Variants in TAFA1 observed in about 807,000 individuals in gnomAD.
The protein encoded by TAFA1 is chemokine-like protein TAFA-1.
TAFA1 carries 4 observed loss-of-function variants against 18.5 expected under a neutral mutation model. That is an observed-to-expected ratio of 0.22 (90% CI 0.11 to 0.49). TAFA1 has a LOEUF of 0.49. Among genes scored for constraint, TAFA1 ranks in the 20% least tolerant of loss-of-function variants. The pLI, the probability that TAFA1 is intolerant of heterozygous loss-of-function variation, is 0.98. For synonymous variants in TAFA1, 56 were observed against 55.2 expected, an observed-to-expected ratio of 1.01 and a Z score of -0.06; for missense variants, 147 against 169.0, an observed-to-expected ratio of 0.87 and a Z score of 0.72.
At chr3:68,447,886 G>A (rs2071498209) in intron 3 of TAFA1, among the ~76,000 whole-genome samples, 1 of 152,218 alleles carries the variant, frequency 6.6e-6, no homozygotes, top group African/African-American at 2.4e-5. Context: ...AGCACGACTT[G>A]CCAGATATGG....
intron 2 of TAFA1, among the ~76,000 whole-genome samples, chr3:68,119,038 TTTC>T (rs1395168591): frequency 1.3e-5 from 2 of 151,952 alleles, no homozygotes; most frequent in Non-Finnish European, 2.9e-5. Context: ...CAAAACTTAT[TTTC>T]TTTTTTTTGG....
At chr3:68,324,967 C>G (rs1299685385) in intron 2 of TAFA1, among the ~76,000 whole-genome samples, 1 of 152,172 alleles carries the variant, frequency 6.6e-6, no homozygotes, top group South Asian at 2.1e-4. Context: ...ATCACAGTCA[C>G]AGAGTGGCCT....
At chr3:68,284,068 T>C (rs1445748243) in intron 2 of TAFA1, among the ~76,000 whole-genome samples, 1 of 152,202 alleles carries the variant, frequency 6.6e-6, no homozygotes, top group African/African-American at 2.4e-5. Flanking sequence ...TGAATCTGTG[T>C]AGATACCCAC....
At chr3:68,129,370 T>C (rs975656839) in intron 2 of TAFA1, among the ~76,000 whole-genome samples, 3 of 152,210 alleles carry the variant, frequency 2.0e-5, no homozygotes, top group Admixed American at 1.3e-4. Context: ...AGGTGAGAAG[T>C]ACACTTTTTG....
intron 2 of TAFA1, among the ~76,000 whole-genome samples, chr3:68,367,481 C>T (rs1357399913): frequency 6.6e-6 from 1 of 152,082 alleles, no homozygotes; most frequent in Non-Finnish European, 1.5e-5. Context: ...GGTCACATAC[C>T]ATGATTTTCC....
At chr3:68,371,594 T>C (rs1357762631) in intron 2 of TAFA1, among the ~76,000 whole-genome samples, 3 of 152,164 alleles carry the variant, frequency 2.0e-5, no homozygotes, top group East Asian at 1.9e-4. Flanking sequence ...CCATGATGTA[T>C]ATGTGCCACA....
intron 2 of TAFA1, among the ~76,000 whole-genome samples, chr3:68,381,490 C>T (rs183207316): frequency 6.6e-6 from 1 of 152,240 alleles, no homozygotes; most frequent in Admixed American, 6.5e-5. Flanking sequence ...CTTCACATCC[C>T]TTGTAAGTTG....
At chr3:68,423,062 C>G (rs1226269886) in intron 3 of TAFA1, among the ~76,000 whole-genome samples, 1 of 151,804 alleles carries the variant, frequency 6.6e-6, no homozygotes. Flanking sequence ...TTAAAACAAA[C>G]AAAAATAAAT....
chr3:68,129,454 G>A (rs1363128833), intron 2 of TAFA1, among the ~76,000 whole-genome samples: 1 of 152,168 alleles, frequency 6.6e-6, no homozygotes, highest in Non-Finnish European at 1.5e-5. Flanking sequence ...TCTGTTAAAT[G>A]GGGATCATCA....
chr3:68,482,150 A>G (rs2072250041), intron 3 of TAFA1, among the ~76,000 whole-genome samples: 1 of 152,176 alleles, frequency 6.6e-6, no homozygotes, highest in African/African-American at 2.4e-5. Flanking sequence ...AGCTGGGACT[A>G]CAGGCACCTG....
At chr3:68,099,910 T>C (rs2065129041) in intron 2 of TAFA1, among the ~76,000 whole-genome samples, 1 of 151,872 alleles carries the variant, frequency 6.6e-6, no homozygotes, top group Non-Finnish European at 1.5e-5. Flanking sequence ...GAAAAGCAAA[T>C]ATCACATATT....
chr3:68,255,742 G>A (rs566266503), intron 2 of TAFA1, among the ~76,000 whole-genome samples: 2 of 152,078 alleles, frequency 1.3e-5, no homozygotes, highest in Admixed American at 1.3e-4. Context: ...AGGCTTCTTA[G>A]GATTTTCTGT....
At chr3:68,251,516 G>A (rs540490550) in intron 2 of TAFA1, among the ~76,000 whole-genome samples, 1 of 152,298 alleles carries the variant, frequency 6.6e-6, no homozygotes, top group African/African-American at 2.4e-5. Flanking sequence ...ACAAAGATTT[G>A]CATTTCAGTG....
intron 2 of TAFA1, among the ~76,000 whole-genome samples, chr3:68,328,688 A>G (rs531203483): frequency 5.3e-5 from 8 of 152,238 alleles, no homozygotes; most frequent in African/African-American, 1.9e-4. Flanking sequence ...CTGAGTATCA[A>G]CTCACAAGTG....
chr3:68,535,183 G>C (rs2073257071), intron 3 of TAFA1, among the ~76,000 whole-genome samples: 1 of 152,054 alleles, frequency 6.6e-6, no homozygotes, highest in African/African-American at 2.4e-5. Flanking sequence ...AATAAACACT[G>C]GCAAACCTTG....
At chr3:68,541,814 C>A (rs577394082) in intron 4 of TAFA1, among the ~76,000 whole-genome samples, 1 of 152,212 alleles carries the variant, frequency 6.6e-6, no homozygotes, top group African/African-American at 2.4e-5. Flanking sequence ...TGTTCCAAAC[C>A]TTCATCTTTT....
chr3:68,521,362 A>G (rs1369152925), intron 3 of TAFA1, among the ~76,000 whole-genome samples: 1 of 152,216 alleles, frequency 6.6e-6, no homozygotes, highest in Admixed American at 6.5e-5. Context: ...TCAAGGGAGA[A>G]GGAGTTGGGA....
intron 2 of TAFA1, among the ~76,000 whole-genome samples, chr3:68,263,824 AC>A (rs1441588796): frequency 1.3e-5 from 2 of 152,138 alleles, no homozygotes; most frequent in Non-Finnish European, 2.9e-5. Context: ...GTATCCAAGC[AC>A]ACAAGGTGAT....
intron 2 of TAFA1, among the ~76,000 whole-genome samples, chr3:68,337,226 T>G (rs567195385): frequency 6.6e-6 from 1 of 152,178 alleles, no homozygotes; most frequent in South Asian, 2.1e-4. Flanking sequence ...TCCGAAAACT[T>G]ACAATCATGG....
Sources: gnomAD v4.1 joint callset for allele counts (sites outside exome capture counted in the v4.1 genomes callset) on GRCh38, gnomAD v4.1.1 for gene constraint, MANE v1.5 for transcripts, NCBI Gene and HGNC (gene_info 2026-07-23, HGNC 2026-07-21) for gene names.